Variants in GALNT18 observed in about 807,000 individuals in gnomAD.
GALNT18 encodes GalNAc-transferase 18.
GALNT18 carries 44 observed loss-of-function variants against 69.5 expected under a neutral mutation model. The observed-to-expected ratio is 0.63, with a 90% confidence interval of 0.50 to 0.81. The LOEUF (loss-of-function observed/expected upper bound fraction) is 0.81. Ranked by LOEUF, GALNT18 falls within the 40% of genes least tolerant of loss-of-function variation. The pLI is 0.00. For missense variants in GALNT18, 715 were observed against 810.0 expected, an observed-to-expected ratio of 0.88 and a Z score of 1.42; for synonymous variants, 364 against 318.2, an observed-to-expected ratio of 1.14 and a Z score of -1.53.
Position 11,573,037 on chromosome 11 carries a change from C to T in GALNT18, c.235+48322G>A, listed in dbSNP as rs1464618259. Among the ~76,000 whole-genome samples, 1 of 152,072 alleles carries T rather than the reference C, an allele frequency of 6.6e-6. No individual in the cohort carries two copies. The highest frequency in any genetic ancestry group is 1.9e-4 in the East Asian group (1 of 5,202). On this transcript the variant is annotated intron_variant, in intron 1 of 10. Transcript: ENST00000227756. The surrounding 1 kb of genome is among the most constrained non-coding windows in gnomAD (Gnocchi z 4.6). ...CATGAAGGAGGACGTTATCTTAGCC[C>T]ATTTTACAGATGAGAAACCTGGGTC... is the stretch of plus-strand genomic sequence containing the variant.
Position 11,621,368 on chromosome 11 carries a change from G to T in GALNT18, c.226C>A (p.His76Asn), listed in dbSNP as rs1409262103. ...TCCGGGGCGCCCGTACCTTGAATGTGCTGCTTGATGACATTCTCCAGGTGG... is the reference window on the plus strand; with the variant it reads ...TCCGGGGCGCCCGTACCTTGAATGTTCTGCTTGATGACATTCTCCAGGTGG... ...LDHLENVIKQHIQEAPAKPEE... is the reference protein window; with the variant it reads ...LDHLENVIKQNIQEAPAKPEE... Residue 76 changes from histidine (H) to asparagine (N), a missense_variant, in exon 1 of 11, where the codon CAC becomes AAC. Coordinates refer to ENST00000227756, the MANE Select transcript of GALNT18 (RefSeq NM_198516.3). This position sits in a 1 kb window ranked among gnomAD's most constrained non-coding sequence, Gnocchi z 9.3. The T allele has an allele frequency of 6.2e-7, 1 of 1,613,784 alleles. No individual in the cohort carries two copies.
chr11:11,395,956 C>T (rs1400524057), intron 3 of GALNT18, among the ~76,000 whole-genome samples: 1 of 152,082 alleles, frequency 6.6e-6, no homozygotes, highest in African/African-American at 2.4e-5. Flanking sequence ...GACAGCTGTT[C>T]CTGGCTACTG....
rs559207106 is a variant in GALNT18, at chr11:11,613,610, T to C, written c.235+7749A>G. 4.6e-5 allele frequency among the ~76,000 whole-genome samples: 7 copies of C among 152,330 alleles called. No individual in the cohort carries two copies. Among genetic ancestry groups the C allele is most frequent in the East Asian group, 1.9e-4 (1 of 5,178 alleles). On this transcript the variant is annotated intron_variant, in intron 1 of 10. Transcript: ENST00000227756. The surrounding 1 kb of genome is among the most constrained non-coding windows in gnomAD (Gnocchi z 4.2). The stretch of plus-strand genomic sequence containing the variant: ...CATCAAGGACCCCTGGGCTCAAGCA[T>C]TGCATTACAGATGGAGCTGACTCTA...
chr11:11,288,310 C>T (rs1310359990), intron 10 of GALNT18, among the ~76,000 whole-genome samples: 1 of 152,158 alleles, frequency 6.6e-6, no homozygotes, highest in African/African-American at 2.4e-5. Context: ...AAAATATGCT[C>T]AGCTATTTCA....
chr11:11,500,929 C>A lies in GALNT18; in HGVS notation c.236-51993G>T, dbSNP rs115087643. Among the ~76,000 whole-genome samples, 1 of 152,180 alleles carries A rather than the reference C, an allele frequency of 6.6e-6. No homozygotes were observed. Among genetic ancestry groups the A allele is most frequent in the East Asian group, 1.9e-4 (1 of 5,198 alleles). On this transcript the variant is annotated intron_variant, in intron 1 of 10. Coordinates refer to ENST00000227756, the MANE Select transcript of GALNT18 (RefSeq NM_198516.3). This position sits in a 1 kb window ranked among gnomAD's most constrained non-coding sequence, Gnocchi z 5.0. ...TGCACAGCAGGGATGCACCTCAGGC[C>A]GATTTGCTAGCTGACTAGCACAGGG...
chr11:11,306,655 A>G (rs1358000215), intron 9 of GALNT18, among the ~76,000 whole-genome samples: 1 of 152,224 alleles, frequency 6.6e-6, no homozygotes, highest in Non-Finnish European at 1.5e-5. Context: ...TTTTCTTGCC[A>G]TACCACAGAT....
At chr11:11,283,463 C>A (rs1484793442) in intron 10 of GALNT18, among the ~76,000 whole-genome samples, 2 of 152,122 alleles carry the variant, frequency 1.3e-5, no homozygotes, top group Non-Finnish European at 2.9e-5. Context: ...CAGGGCCAGC[C>A]ATTGCAGAAT....
At chr11:11,352,304 G>C (rs765194100) in intron 6 of GALNT18, 2 of 1,614,096 alleles carry the variant, frequency 1.2e-6, no homozygotes, top group East Asian at 4.5e-5. Flanking sequence ...GTCTGCCCAA[G>C]ATATCATTGA....
At position 11,459,024 on chromosome 11, in the gene GALNT18, G is replaced by A. The variant is rs1354332593; in HGVS notation, c.236-10088C>T. ...AAGGGGGACTTCGGCACATCATAGCGGTACTCTTCTTATATCCAGCAAAGC... is the reference window on the plus strand; with the variant it reads ...AAGGGGGACTTCGGCACATCATAGCAGTACTCTTCTTATATCCAGCAAAGC... On this transcript the variant is annotated intron_variant, in intron 1 of 10. Transcript: ENST00000227756. The surrounding 1 kb of genome is among the most constrained non-coding windows in gnomAD (Gnocchi z 5.0). 6.6e-6 allele frequency among the ~76,000 whole-genome samples: 1 copy of A among 152,120 alleles called. No individual in the cohort carries two copies. The highest frequency in any genetic ancestry group is 1.5e-5 in the Non-Finnish European group (1 of 68,024).
At chr11:11,391,488 A>G (rs1253299942) in intron 3 of GALNT18, among the ~76,000 whole-genome samples, 1 of 152,238 alleles carries the variant, frequency 6.6e-6, no homozygotes, top group African/African-American at 2.4e-5. Context: ...AAGAGGGTGC[A>G]TTTAATGGGC....
intron 6 of GALNT18, among the ~76,000 whole-genome samples, chr11:11,365,694 G>T (rs1292685961): frequency 1.3e-5 from 2 of 152,140 alleles, no homozygotes; most frequent in Non-Finnish European, 2.9e-5. Context: ...TGACTGGTGT[G>T]AGATGGTATC....
At chr11:11,593,975 C>G (rs1859426047) in intron 1 of GALNT18, among the ~76,000 whole-genome samples, 1 of 152,134 alleles carries the variant, frequency 6.6e-6, no homozygotes, top group South Asian at 2.1e-4. Context: ...ATGAAGGATG[C>G]TTTTCTCTTG....
chr11:11,283,346 C>T, intron 10 of GALNT18, among the ~76,000 whole-genome samples: 1 of 152,106 alleles, frequency 6.6e-6, no homozygotes, highest in Non-Finnish European at 1.5e-5. Context: ...GGAGTTTTGC[C>T]ATGTTGGCCA....
chr11:11,424,622 G>C (rs1855086142), intron 3 of GALNT18, among the ~76,000 whole-genome samples: 1 of 152,130 alleles, frequency 6.6e-6, no homozygotes, highest in African/African-American at 2.4e-5. Flanking sequence ...TGTCACACTG[G>C]TCACCTTGGC....
At chr11:11,426,837 A>G (rs1477973044) in intron 3 of GALNT18, among the ~76,000 whole-genome samples, 1 of 152,170 alleles carries the variant, frequency 6.6e-6, no homozygotes, top group Non-Finnish European at 1.5e-5. Context: ...GATATGGAGC[A>G]GGGTAGAGGG....
chr11:11,278,406 C>G (rs1303865778), intron 10 of GALNT18, among the ~76,000 whole-genome samples: 2 of 151,304 alleles, frequency 1.3e-5, no homozygotes, highest in Non-Finnish European at 2.9e-5. Flanking sequence ...GGAGAAATAC[C>G]TAATGTAGAT....
At position 11,459,719 on chromosome 11, in the gene GALNT18, G is replaced by A. The variant is rs186447133; in HGVS notation, c.236-10783C>T. On this transcript the variant is annotated intron_variant, in intron 1 of 10. Coordinates refer to ENST00000227756, the MANE Select transcript of GALNT18 (RefSeq NM_198516.3). The surrounding 1 kb of genome is among the most constrained non-coding windows in gnomAD (Gnocchi z 5.0). ...GATTAAGTGAGATGATGGACACCCC[G>A]AAAGTGCTTAGCAAACCATCAGATA... Among the ~76,000 whole-genome samples, 11 of 152,324 alleles carry A rather than the reference G, an allele frequency of 7.2e-5. No homozygotes were observed. The East Asian group carries it at 1.2e-3, about 16-fold the overall frequency.
Position 11,379,061 on chromosome 11 carries a change from C to A in GALNT18, c.779+20G>T. ...CCAGATCCCACTGGGACTCCTCCTC[C>A]TCTCCCAAGGGGCACTTACCAGCCC... On this transcript the variant is annotated intron_variant, in intron 4 of 10. Coordinates refer to ENST00000227756, the MANE Select transcript of GALNT18 (RefSeq NM_198516.3). The A allele has an allele frequency of 6.4e-7, 1 of 1,558,328 alleles. No individual in the cohort carries two copies. The highest frequency in any genetic ancestry group is 8.6e-7 in the Non-Finnish European group (1 of 1,158,290).
In GALNT18 at chr11:11,586,544, T is replaced by C. The variant is rs1565028211; in HGVS notation, c.235+34815A>G. On this transcript the variant is annotated intron_variant, in intron 1 of 10. Coordinates refer to ENST00000227756, the MANE Select transcript of GALNT18 (RefSeq NM_198516.3). The surrounding 1 kb of genome is among the most constrained non-coding windows in gnomAD (Gnocchi z 4.1). ...AGCCTCTGTGAAGTGAGATCTTCCC[T>C]GTTGACAGGCAGAAACCACCAGGAA... Among the ~76,000 whole-genome samples, 1 of 152,200 alleles carries C rather than the reference T, an allele frequency of 6.6e-6. No homozygotes were observed. Among genetic ancestry groups the C allele is most frequent in the Non-Finnish European group, 1.5e-5 (1 of 68,032 alleles).
Sources: gnomAD v4.1 joint callset for allele counts (sites outside exome capture counted in the v4.1 genomes callset) on GRCh38, gnomAD v4.1.1 for gene constraint, Gnocchi (gnomAD v3.1) non-coding constraint, MANE v1.5 for transcripts, NCBI Gene and HGNC (gene_info 2026-07-23, HGNC 2026-07-21) for gene names.